Variants in MYCBP2 observed in about 807,000 individuals in gnomAD.
The protein encoded by MYCBP2 is E3 ubiquitin-protein ligase MYCBP2.
A neutral mutation model predicts 525.3 loss-of-function variants in MYCBP2; 120 were observed. The observed-to-expected ratio is 0.23, with a 90% CI of 0.20 to 0.27. MYCBP2 has a LOEUF of 0.27. MYCBP2 is among the 10% of genes least tolerant of loss of function. The pLI, the probability that MYCBP2 is intolerant of heterozygous loss-of-function variation, is 1.00. For missense variants in MYCBP2, 4,149 were observed against 5,657.1 expected (o/e 0.73, Z 8.55); for synonymous variants, 1,894 against 1,955.8 (o/e 0.97, Z 0.83).
At chr13:77,191,962 C>A (rs2061337789) in intron 27 of MYCBP2, 149 bp from the exon 28 acceptor site, 3 of 741,558 alleles carry the variant, frequency 4.0e-6, no homozygotes, top group Non-Finnish European at 6.5e-6. Context: ...TCTAAGAAGT[C>A]TGGACAAGAA....
chr13:77,175,270 T>C (rs903787085), intron 36 of MYCBP2, among the ~76,000 whole-genome samples: 5 of 151,818 alleles, frequency 3.3e-5, no homozygotes, highest in African/African-American at 2.4e-5. Context: ...TACTTTTCCT[T>C]GACTAGTTTA....
intron 47 of MYCBP2, among the ~76,000 whole-genome samples, chr13:77,148,205 C>T (rs4885443): frequency 0.022 from 3,384 of 151,224 alleles, 171 homozygotes; most frequent in Admixed American, 0.12. Context: ...AAAAATGAGA[C>T]AAATATTTAT....
intron 1 of MYCBP2, among the ~76,000 whole-genome samples, chr13:77,314,838 A>G (rs574853759): frequency 5.3e-5 from 8 of 152,262 alleles, no homozygotes; most frequent in African/African-American, 1.9e-4. Context: ...GTTGATATGG[A>G]TGAGGCTATG....
Position 77,326,706 on chromosome 13 carries a change from G to A in MYCBP2, c.70C>T (p.Pro24Ser). The A allele has an allele frequency of 2.8e-6, 4 of 1,428,142 alleles. No individual in the cohort carries two copies. Among genetic ancestry groups the A allele is most frequent in the Non-Finnish European group, 2.7e-6 (3 of 1,102,020 alleles). The allele number at this position is 1,428,142 out of a possible 1,614,324, so 88.5% of individuals were successfully genotyped here. ...GGGGAGGAAGAGAAGGTGGCGGCTG[G>A]GTAGAATCCGTCCCCGCCGAGCCCC... ...SSGLGGDGFY[P>S]AATFSSSPAP... The change falls in exon 1 of 83, where the codon CCA becomes TCA. Residue 24 changes from proline (P) to serine (S), a missense_variant. By Grantham distance (74) the Pro-to-Ser change is moderately conservative (BLOSUM62 -1). Transcript: ENST00000544440. The surrounding 1 kb of genome is among the most constrained non-coding windows in gnomAD (Gnocchi z 4.2).
At chr13:77,287,784 C>A (rs1177817941) in intron 3 of MYCBP2, among the ~76,000 whole-genome samples, 1 of 152,160 alleles carries the variant, frequency 6.6e-6, no homozygotes, top group Non-Finnish European at 1.5e-5. Context: ...TCTTGGCTTT[C>A]TCTTGTGCCC....
chr13:77,288,344 T>C lies in MYCBP2; in HGVS notation c.411A>G (p.Pro137=). 4 of 1,613,984 alleles carry C rather than the reference T, an allele frequency of 2.5e-6. No homozygotes were observed. In the South Asian group the frequency reaches 3.3e-5, roughly 13 times the overall value. The change falls in exon 3 of 83, where the codon CCA becomes CCG. Residue 137 remains proline (P), a synonymous_variant. Transcript: ENST00000544440. The stretch of plus-strand genomic sequence containing the variant: ...AAGGATTGCTATGTAGTTTGATATC[T>C]GGTATGATTACTGTATTCTCTAAGT... The part of the protein sequence containing the change: ...SENLENTVII[P]DIKLHSNPSA...
intron 18 of MYCBP2, among the ~76,000 whole-genome samples, chr13:77,225,979 TGGA>T: frequency 6.6e-6 from 1 of 152,244 alleles, no homozygotes; most frequent in Non-Finnish European, 1.5e-5. Context: ...AAATTGCTAA[TGGA>T]TTCACAAGTG....
intron 14 of MYCBP2, among the ~76,000 whole-genome samples, 165 bp downstream of exon 14, chr13:77,257,506 T>C (rs1243111265): frequency 3.3e-5 from 5 of 151,940 alleles, no homozygotes; most frequent in Non-Finnish European, 7.4e-5. Flanking sequence ...ACCCCATACA[T>C]ATACCTACTA....
intron 46 of MYCBP2, among the ~76,000 whole-genome samples, chr13:77,151,551 AACTC>A (rs1328509351): frequency 6.6e-6 from 1 of 152,236 alleles, no homozygotes. Context: ...TAAACTTTGC[AACTC>A]ACTTTCTTTA....
intron 36 of MYCBP2, among the ~76,000 whole-genome samples, chr13:77,174,931 A>ATAAATATATATTATATATATAAT (rs1555383773): frequency 8.8e-4 from 3 of 3,408 alleles, no homozygotes; most frequent in South Asian, 0.011. Flanking sequence ...ATATATATAT[A>ATAAATATATATTATATATATAAT]ATATATATAT....
At chr13:77,314,755 G>A (rs956998207) in intron 1 of MYCBP2, among the ~76,000 whole-genome samples, 5 of 152,078 alleles carry the variant, frequency 3.3e-5, no homozygotes, top group African/African-American at 1.2e-4. Flanking sequence ...TGTAAACTCT[G>A]GACTTGAGAG....
chr13:77,242,334 T>G (rs980589688), intron 17 of MYCBP2, among the ~76,000 whole-genome samples: 1 of 152,230 alleles, frequency 6.6e-6, no homozygotes, highest in Non-Finnish European at 1.5e-5. Flanking sequence ...CAGGATGGTC[T>G]TGATCTCTTG....
At chr13:77,071,267 A>ACAGG (rs1555305907) in intron 68 of MYCBP2, among the ~76,000 whole-genome samples, 1 of 119,578 alleles carries the variant, frequency 8.4e-6, no homozygotes, top group Non-Finnish European at 1.7e-5. Context: ...ACGTGTGTGC[A>ACAGG]CACGCACACA....
chr13:77,142,786 C>T (rs1354577825), intron 49 of MYCBP2, among the ~76,000 whole-genome samples: 1 of 152,078 alleles, frequency 6.6e-6, no homozygotes, highest in African/African-American at 2.4e-5. Context: ...AATCTAAAAC[C>T]TTTGGGTGCT....
intron 55 of MYCBP2, among the ~76,000 whole-genome samples, chr13:77,114,423 T>TA (rs2049365929): frequency 6.6e-6 from 1 of 152,212 alleles, no homozygotes; most frequent in East Asian, 1.9e-4. Context: ...TCAGATAACT[T>TA]AGAGAGCTAG....
chr13:77,055,343 A>G (rs923466162), intron 80 of MYCBP2, among the ~76,000 whole-genome samples: 2 of 152,180 alleles, frequency 1.3e-5, no homozygotes, highest in African/African-American at 4.8e-5. Context: ...GAAATACTGC[A>G]TGTTTCGAAA....
chr13:77,146,697 T>G (rs1039958336), intron 47 of MYCBP2, among the ~76,000 whole-genome samples: 5 of 152,140 alleles, frequency 3.3e-5, no homozygotes, highest in Admixed American at 3.3e-4. Flanking sequence ...TTAACTAAAC[T>G]TGGAGGAAAA....
At chr13:77,157,464 TC>T (rs1356493931) in intron 45 of MYCBP2, among the ~76,000 whole-genome samples, 1 of 152,186 alleles carries the variant, frequency 6.6e-6, no homozygotes, top group Non-Finnish European at 1.5e-5. Flanking sequence ...GCTCTAGCAA[TC>T]CACTTACCTC....
chr13:77,161,914 C>T lies in MYCBP2; in HGVS notation c.6589G>A (p.Ala2197Thr). Residue 2197 changes from alanine (A) to threonine (T), a missense_variant, in exon 44 of 83, where the codon GCA becomes ACA. Physicochemically the swap from Ala to Thr is moderately conservative, Grantham distance 58. Around this residue, in one of 21 missense-constraint regions of MYCBP2, gnomAD observed 692 missense variants for 852.7 expected, o/e 0.81. Coordinates refer to ENST00000544440, the MANE Select transcript of MYCBP2 (RefSeq NM_015057.5). ...EEDLEILEEA[A>T]LQVCKTHSGI... Reference sequence around the variant, plus strand: ...AACATTTGGGACAATACCTGCAATGCAGCCTCCTCAAGAATTTCAAGGTCT... The same window carrying T: ...AACATTTGGGACAATACCTGCAATGTAGCCTCCTCAAGAATTTCAAGGTCT... 1 of 1,608,128 alleles carries T rather than the reference C, an allele frequency of 6.2e-7. No individual in the cohort carries two copies. Among genetic ancestry groups the T allele is most frequent in the Non-Finnish European group, 8.5e-7 (1 of 1,176,864 alleles).
Sources: gnomAD v4.1 joint callset for allele counts (sites outside exome capture counted in the v4.1 genomes callset) on GRCh38, gnomAD v4.1.1 for gene constraint, gnomAD v4.1.1 regional missense constraint, Gnocchi (gnomAD v3.1) non-coding constraint, MANE v1.5 for transcripts, NCBI Gene and HGNC (gene_info 2026-07-23, HGNC 2026-07-21) for gene names.